Variants in BOC observed in about 807,000 individuals in gnomAD.
BOC encodes BOC cell adhesion associated, oncogene regulated.
Under a neutral mutation model 112.0 loss-of-function variants are expected in BOC, and 76 were observed. That is an observed-to-expected ratio of 0.68 (90% CI 0.56 to 0.82). BOC has a LOEUF of 0.82. BOC is among the 40% of genes least tolerant of loss of function. BOC has a pLI of 0.00. For synonymous variants in BOC, 580 were observed against 599.8 expected (o/e 0.97, Z 0.48); for missense variants, 1,309 against 1,511.7 (o/e 0.87, Z 2.22).
At chr3:113,267,354 G>A (rs1256652187) in intron 4 of BOC, among the ~76,000 whole-genome samples, 2 of 152,092 alleles carry the variant, frequency 1.3e-5, no homozygotes, top group Admixed American at 1.3e-4. Flanking sequence ...GCATTGTTTG[G>A]GAAACATTCT....
intron 2 of BOC, among the ~76,000 whole-genome samples, chr3:113,229,408 C>A (rs1401870925): frequency 6.6e-6 from 1 of 152,336 alleles, no homozygotes; most frequent in East Asian, 1.9e-4. Flanking sequence ...AAACATCCCA[C>A]CTCTGCTAGC....
At chr3:113,259,425 C>T (rs548366747) in intron 4 of BOC, among the ~76,000 whole-genome samples, 21 of 152,274 alleles carry the variant, frequency 1.4e-4, no homozygotes, top group East Asian at 1.9e-4. Flanking sequence ...ATTGATTTGC[C>T]GGCTTGAAAT....
chr3:113,236,277 CATGGGTATATAT>C (rs1396675170), intron 2 of BOC, among the ~76,000 whole-genome samples: 1 of 53,492 alleles, frequency 1.9e-5, no homozygotes, highest in Non-Finnish European at 3.3e-5. Context: ...TATATATACC[CATGGGTATATAT>C]ATATATATAT....
At chr3:113,233,200 G>GGGGC (rs1942947746) in intron 2 of BOC, among the ~76,000 whole-genome samples, 1 of 126,136 alleles carries the variant, frequency 7.9e-6, no homozygotes, top group Non-Finnish European at 1.8e-5. Context: ...TGTGTGTCGG[G>GGGGC]GGTTGGAGCT....
chr3:113,250,336 C>T (rs1283201857), intron 3 of BOC, among the ~76,000 whole-genome samples: 1 of 152,204 alleles, frequency 6.6e-6, no homozygotes, highest in Non-Finnish European at 1.5e-5. Flanking sequence ...TGTCCAAATG[C>T]AAAGCCCAAG....
At chr3:113,260,986 C>A (rs1395639710) in intron 4 of BOC, among the ~76,000 whole-genome samples, 4 of 152,126 alleles carry the variant, frequency 2.6e-5, no homozygotes, top group Non-Finnish European at 4.4e-5. Flanking sequence ...AGGTTGGGGA[C>A]CACTGTCCTC....
intron 2 of BOC, among the ~76,000 whole-genome samples, chr3:113,224,773 A>G (rs1202531774): frequency 6.6e-6 from 1 of 152,182 alleles, no homozygotes; most frequent in Non-Finnish European, 1.5e-5. Context: ...AGCCTGGCCA[A>G]CGTGGCGAAA....
chr3:113,270,706 G>A, intron 5 of BOC, 95 bp from the exon 6 acceptor site: 1 of 1,441,650 alleles, frequency 6.9e-7, no homozygotes, highest in Admixed American at 2.2e-5. Context: ...TGCCCAGCCT[G>A]TTCCTCTCCC....
At chr3:113,237,141 T>A (rs1001849944) in intron 2 of BOC, among the ~76,000 whole-genome samples, 1 of 152,178 alleles carries the variant, frequency 6.6e-6, no homozygotes, top group African/African-American at 2.4e-5. Context: ...CCTTAAGTGA[T>A]GGAACATCAG....
At chr3:113,245,955 G>A (rs150780227) in intron 2 of BOC, among the ~76,000 whole-genome samples, 1 of 152,300 alleles carries the variant, frequency 6.6e-6, no homozygotes, top group East Asian at 1.9e-4. Context: ...GATCCAGTTA[G>A]TCAGCCAGCC....
intron 9 of BOC, among the ~76,000 whole-genome samples, chr3:113,276,262 C>T (rs1948660485): frequency 6.6e-6 from 1 of 152,234 alleles, no homozygotes. Flanking sequence ...TGGCAAAGGC[C>T]ATGCCGTGGT....
chr3:113,286,577 AACC>A, intron 19 of BOC, 95 bp from the exon 20 acceptor site: 1 of 1,123,834 alleles, frequency 8.9e-7, no homozygotes, highest in Non-Finnish European at 1.2e-6. Context: ...GAGCCAGTGT[AACC>A]ACCTCCACCA....
Position 113,272,243 on chromosome 3 carries a change from A to G in BOC, c.668-167A>G. 4.3e-6 allele frequency: 3 copies of G among 704,964 alleles called. No homozygotes were observed. The South Asian group carries it at 5.4e-5, about 13-fold the overall frequency. The allele number at this position is 704,964 out of a possible 1,614,324, so 43.7% of individuals were successfully genotyped here. The stretch of plus-strand genomic sequence containing the variant: ...AGCAGTCCTTGTTTCTGATAAGGAC[A>G]CCAAGCCCCAAGGGAATTCTGTAGC... On this transcript the variant is annotated intron_variant, in intron 6 of 19. Coordinates refer to ENST00000682979, the MANE Select transcript of BOC (RefSeq NM_001378074.1).
In BOC at chr3:113,245,229, C is replaced by G. The variant is rs556977480; in HGVS notation, c.-81-4493C>G. 3.7e-3 allele frequency among the ~76,000 whole-genome samples: 570 copies of G among 152,180 alleles called. 3 individuals are homozygous for G. Among genetic ancestry groups the G allele is most frequent in the Middle Eastern group, 0.014 (4 of 294 alleles). Reference sequence around the variant, plus strand: ...TTTTTTGTATATATTTAAAGGTATACAACCTGATGTTTTGATAAGCTTTCT... The same window carrying G: ...TTTTTTGTATATATTTAAAGGTATAGAACCTGATGTTTTGATAAGCTTTCT... On this transcript the variant is annotated intron_variant, in intron 2 of 19. Transcript: ENST00000682979.
At position 113,255,107 on chromosome 3, in the gene BOC, T is replaced by TA. The variant is rs1292002159; in HGVS notation, c.376+4284dup. Among the ~76,000 whole-genome samples the TA allele has an allele frequency of 3.4e-4, 51 of 150,460 alleles. No individual in the cohort carries two copies. In the South Asian group the frequency reaches 3.6e-3, roughly 11 times the overall value. ...TTTATTTCCTATTTAACCTAAACTT[T>TA]AAAAAAAAAAGAAAAACTTTCTTGC... is the stretch of plus-strand genomic sequence containing the variant. On this transcript the variant is annotated intron_variant, in intron 4 of 19. Coordinates refer to ENST00000682979, the MANE Select transcript of BOC (RefSeq NM_001378074.1).
chr3:113,220,947 G>A (rs537113332), intron 2 of BOC, among the ~76,000 whole-genome samples: 1 of 152,178 alleles, frequency 6.6e-6, no homozygotes, highest in Non-Finnish European at 1.5e-5. Flanking sequence ...TTAGAAGAAG[G>A]GTGGAGTGCT....
rs1187947564 is a variant in BOC at position 113,281,071 on chromosome 3, G to A, written c.2352G>A (p.Glu784=). ...ACTCCATCAGCCACCTGCAGCCAGA[G>A]ACCTCCTACGACATTAAGATGCAGT... ...YWHSISHLQP[E]TSYDIKMQCF... Residue 784 remains glutamate, a synonymous_variant, in exon 15 of 20, where the codon GAG becomes GAA. Transcript: ENST00000682979. 6.2e-7 allele frequency: 1 copy of A among 1,614,126 alleles called. No homozygotes were observed. The highest frequency in any genetic ancestry group is 1.1e-5 in the South Asian group (1 of 91,062).
At chr3:113,212,089 G>A (rs1326135847) in intron 1 of BOC, 73 bp downstream of exon 1, 1 of 151,806 alleles carries the variant, frequency 6.6e-6, no homozygotes, top group African/African-American at 2.4e-5. Flanking sequence ...GGAGAGGAGG[G>A]GGCGGGAGGC....
Position 113,282,642 on chromosome 3 carries a change from T to C in BOC, c.2435-769T>C, listed in dbSNP as rs575286344. Among the ~76,000 whole-genome samples the C allele has an allele frequency of 1.8e-4, 28 of 151,966 alleles. No individual in the cohort carries two copies. In the South Asian group the frequency reaches 5.2e-3, roughly 28 times the overall value. Reference sequence around the variant, plus strand: ...GTGGGGAGATTGGTTTGCGGCTCTTTAGGATATAGGTAGAAGTCACGGGAC... The same window carrying C: ...GTGGGGAGATTGGTTTGCGGCTCTTCAGGATATAGGTAGAAGTCACGGGAC... On this transcript the variant is annotated intron_variant, in intron 15 of 19. Coordinates refer to ENST00000682979, the MANE Select transcript of BOC (RefSeq NM_001378074.1).
Sources: gnomAD v4.1 joint callset for allele counts (sites outside exome capture counted in the v4.1 genomes callset) on GRCh38, gnomAD v4.1.1 for gene constraint, MANE v1.5 for transcripts, NCBI Gene and HGNC (gene_info 2026-07-23, HGNC 2026-07-21) for gene names.